Variants in SOX6 observed in about 807,000 individuals in gnomAD.
The protein encoded by SOX6 is transcription factor SOX-6.
In SOX6, 11 loss-of-function variants were observed where a neutral mutation model predicts 97.8. The observed-to-expected ratio is 0.11, with a 90% CI of 0.07 to 0.19. The LOEUF is 0.19. Ranked by LOEUF, SOX6 falls within the 10% of genes least tolerant of loss-of-function variation. The pLI is 1.00. For missense variants in SOX6, 810 were observed against 1,039.5 expected (o/e 0.78, Z 3.04); for synonymous variants, 360 against 371.4 (o/e 0.97, Z 0.35).
intron 11 of SOX6, among the ~76,000 whole-genome samples, chr11:16,047,871 A>AT (rs371242118): frequency 5.3e-5 from 8 of 150,568 alleles, no homozygotes; most frequent in Non-Finnish European, 7.4e-5. Flanking sequence ...TATACATGGA[A>AT]TTTTTTTTTT....
intron 7 of SOX6, among the ~76,000 whole-genome samples, chr11:16,104,011 A>C (rs1353229521): frequency 6.6e-6 from 1 of 151,988 alleles, no homozygotes; most frequent in Non-Finnish European, 1.5e-5. Flanking sequence ...TAAAAATTAA[A>C]AAATAAACTC....
chr11:16,632,680 G>A (rs559080658), intron 3 of SOX6, among the ~76,000 whole-genome samples: 6 of 152,322 alleles, frequency 3.9e-5, no homozygotes, highest in African/African-American at 9.6e-5. Flanking sequence ...GCACTCAGAC[G>A]TCTGCCTAAG....
At chr11:16,733,746 G>A (rs61881963) in intron 2 of SOX6, among the ~76,000 whole-genome samples, 1 of 144,238 alleles carries the variant, frequency 6.9e-6, no homozygotes, top group Non-Finnish European at 1.5e-5. Context: ...AAAAAAAAGG[G>A]CCAGGCACGG....
At chr11:16,465,247 A>G (rs1481559325) in intron 1 of SOX6, among the ~76,000 whole-genome samples, 1 of 152,126 alleles carries the variant, frequency 6.6e-6, no homozygotes, top group Non-Finnish European at 1.5e-5. Flanking sequence ...TCCAGGGAAA[A>G]ACTCTAACTA....
chr11:16,434,173 A>G (rs971466830), intron 1 of SOX6: 2 of 151,928 alleles, frequency 1.3e-5, no homozygotes, highest in African/African-American at 4.8e-5. Flanking sequence ...AATGAAGTCA[A>G]CTCTGCTCTG....
At chr11:16,564,030 G>A (rs1338866084) in intron 4 of SOX6, among the ~76,000 whole-genome samples, 1 of 151,916 alleles carries the variant, frequency 6.6e-6, no homozygotes, top group African/African-American at 2.4e-5. Flanking sequence ...GGGATGCAGG[G>A]GAAATCAAAA....
At chr11:16,540,191 A>G (rs537062893) in intron 4 of SOX6, among the ~76,000 whole-genome samples, 1 of 152,320 alleles carries the variant, frequency 6.6e-6, no homozygotes, top group South Asian at 2.1e-4. Flanking sequence ...AACATAATCC[A>G]TGACATAAAC....
In SOX6 at chr11:16,409,259, C is replaced by G. The variant is rs1229036525; in HGVS notation, c.-5+67056G>C. ...TTACCAACATTTTCTCTATCCCTAA[C>G]TTTCCTCTTGCAGTCCCCTAACCCC... On this transcript the variant is annotated intron_variant, in intron 1 of 15. Transcript: ENST00000396356. Among the ~76,000 whole-genome samples, 2 of 145,618 alleles carry G rather than the reference C, an allele frequency of 1.4e-5. 1 individual carries two copies. The highest frequency in any genetic ancestry group is 3.0e-5 in the Non-Finnish European group (2 of 66,962).
chr11:15,979,342 A>C (rs781036507), intron 15 of SOX6, among the ~76,000 whole-genome samples: 3 of 151,982 alleles, frequency 2.0e-5, no homozygotes, highest in Admixed American at 2.0e-4. Flanking sequence ...CAAACCTGGA[A>C]CAAACCACCA....
chr11:16,231,030 A>G (rs1201375357), intron 4 of SOX6, among the ~76,000 whole-genome samples: 2 of 151,808 alleles, frequency 1.3e-5, no homozygotes, highest in Non-Finnish European at 3.0e-5. Flanking sequence ...TTATTCATCA[A>G]AACATATTTA....
chr11:16,106,149 A>G (rs547185523), intron 7 of SOX6, among the ~76,000 whole-genome samples: 7 of 152,104 alleles, frequency 4.6e-5, no homozygotes, highest in Non-Finnish European at 8.8e-5. Flanking sequence ...GCAGAGTCAA[A>G]GCAATCCCTA....
chr11:16,529,436 C>CA (rs1462790096), intron 4 of SOX6, among the ~76,000 whole-genome samples: 3 of 152,064 alleles, frequency 2.0e-5, no homozygotes, highest in African/African-American at 7.2e-5. Flanking sequence ...GTTACTCTAA[C>CA]ACACAATGGA....
At chr11:16,114,257 C>T (rs1280017016) in intron 6 of SOX6, among the ~76,000 whole-genome samples, 1 of 152,094 alleles carries the variant, frequency 6.6e-6, no homozygotes, top group Non-Finnish European at 1.5e-5. Context: ...TTACTAGGTG[C>T]CTCTAAAGGC....
intron 7 of SOX6, among the ~76,000 whole-genome samples, chr11:16,102,177 C>A (rs1447504667): frequency 6.6e-6 from 1 of 151,838 alleles, no homozygotes; most frequent in East Asian, 1.9e-4. Context: ...ATGAATTCAG[C>A]AAAGTTTCAG....
chr11:16,285,742 G>A (rs1462457126), intron 3 of SOX6, among the ~76,000 whole-genome samples: 1 of 152,008 alleles, frequency 6.6e-6, no homozygotes, highest in African/African-American at 2.4e-5. Flanking sequence ...AAGACTCAGA[G>A]ATACTTCTGA....
At chr11:16,505,041 C>A (rs1565165722) in intron 4 of SOX6, among the ~76,000 whole-genome samples, 1 of 152,084 alleles carries the variant, frequency 6.6e-6, no homozygotes, top group Non-Finnish European at 1.5e-5. Flanking sequence ...GAAAGTGGGA[C>A]ATTTCTATAA....
chr11:16,137,087 AATCT>A (rs1172887172), intron 6 of SOX6, among the ~76,000 whole-genome samples: 2 of 152,186 alleles, frequency 1.3e-5, no homozygotes, highest in Admixed American at 6.6e-5. Context: ...ACATTAATCT[AATCT>A]GAACTTTCTG....
chr11:16,062,376 A>C (rs1847980750), intron 9 of SOX6, among the ~76,000 whole-genome samples: 1 of 151,718 alleles, frequency 6.6e-6, no homozygotes, highest in African/African-American at 2.4e-5. Context: ...TAACTATTAC[A>C]TAAGGGTCTA....
In SOX6 at chr11:16,581,767, A is replaced by C. The variant is rs534086406; in HGVS notation, n.609+30314T>G. Among the ~76,000 whole-genome samples the C allele has an allele frequency of 5.9e-5, 9 of 151,968 alleles. No individual in the cohort carries two copies. In the South Asian group the frequency reaches 1.9e-3, roughly 32 times the overall value. The stretch of plus-strand genomic sequence containing the variant: ...TCAAGAGGTCAGGAGTTCAAGACCA[A>C]CCTGGCCAAGATGATGAAACCCCAT... On this transcript the variant is annotated intron_variant and non_coding_transcript_variant, in intron 4 of 5. Transcript: ENST00000524520.
Sources: allele counts gnomAD v4.1 joint callset (sites outside exome capture counted in the v4.1 genomes callset), GRCh38; gene constraint gnomAD v4.1.1; transcripts MANE v1.5; gene names NCBI Gene and HGNC (gene_info 2026-07-23, HGNC 2026-07-21).